FGF12: variants seen among roughly 807,000 people sequenced by gnomAD.
FGF12 encodes fibroblast growth factor 12B.
Under a neutral mutation model 23.6 loss-of-function variants are expected in FGF12, and 14 were observed. The observed-to-expected ratio is 0.59, with a 90% CI of 0.39 to 0.93. The LOEUF (loss-of-function observed/expected upper bound fraction) is 0.93, where lower values mean the gene tolerates loss of function less well. Among genes scored for constraint, FGF12 ranks in the 40% least tolerant of loss-of-function variants. The probability of loss-of-function intolerance (pLI) is 0.00; values close to 1 mark genes in which losing one functional copy is unlikely to be tolerated. For missense variants in FGF12, 175 were observed against 217.8 expected (o/e 0.80, Z 1.24); for synonymous variants, 62 against 77.3 (o/e 0.80, Z 1.04).
intron 2 of FGF12, among the ~76,000 whole-genome samples, chr3:192,542,254 C>A (rs1462766735): frequency 6.6e-6 from 1 of 152,142 alleles, no homozygotes; most frequent in Non-Finnish European, 1.5e-5. Flanking sequence ...ATTATCTCTT[C>A]CACCTGATTT....
intron 4 of FGF12, among the ~76,000 whole-genome samples, chr3:192,245,534 C>T (rs1033724924): frequency 6.6e-6 from 1 of 152,170 alleles, no homozygotes; most frequent in East Asian, 1.9e-4. Flanking sequence ...AGTAATTATG[C>T]ATTTGCATAA....
intron 2 of FGF12, among the ~76,000 whole-genome samples, chr3:192,456,022 T>C (rs934170078): frequency 1.3e-5 from 2 of 152,200 alleles, no homozygotes; most frequent in Non-Finnish European, 2.9e-5. Flanking sequence ...CCATAATATG[T>C]TATCAACTCA....
At chr3:192,529,013 C>T (rs1725022689) in intron 2 of FGF12, among the ~76,000 whole-genome samples, 2 of 152,156 alleles carry the variant, frequency 1.3e-5, no homozygotes, top group South Asian at 4.1e-4. Flanking sequence ...TTTTCATTGT[C>T]TTGGGGAACA....
At chr3:192,602,757 T>C (rs1004764143) in intron 2 of FGF12, among the ~76,000 whole-genome samples, 2 of 148,772 alleles carry the variant, frequency 1.3e-5, no homozygotes, top group African/African-American at 2.5e-5. Flanking sequence ...TACAGGTCAA[T>C]ATCCCTGATT....
At chr3:192,646,510 A>G (rs1716011368) in intron 2 of FGF12, among the ~76,000 whole-genome samples, 1 of 152,186 alleles carries the variant, frequency 6.6e-6, no homozygotes, top group Non-Finnish European at 1.5e-5. Flanking sequence ...TGAAATAGCC[A>G]TATAAGAGAA....
chr3:192,392,553 G>A (rs541864926), intron 2 of FGF12, among the ~76,000 whole-genome samples: 90 of 144,528 alleles, frequency 6.2e-4, no homozygotes, highest in African/African-American at 2.1e-3. Flanking sequence ...CCAAGATTGC[G>A]CCATTGCACT....
chr3:192,420,841 G>A (rs942672514), intron 2 of FGF12, among the ~76,000 whole-genome samples: 1 of 152,022 alleles, frequency 6.6e-6, no homozygotes, highest in African/African-American at 2.4e-5. Context: ...AAAGAAATAC[G>A]TAAATCTCAG....
intron 2 of FGF12, among the ~76,000 whole-genome samples, chr3:192,455,577 C>T (rs998438736): frequency 4.6e-5 from 7 of 152,160 alleles, no homozygotes; most frequent in African/African-American, 1.7e-4. Context: ...GGATTAGATG[C>T]AATGATAACA....
At chr3:192,305,315 A>G (rs1410895977) in intron 4 of FGF12, among the ~76,000 whole-genome samples, 1 of 152,148 alleles carries the variant, frequency 6.6e-6, no homozygotes, top group African/African-American at 2.4e-5. Context: ...CTTCATTTTC[A>G]TACAAACTCA....
intron 2 of FGF12, among the ~76,000 whole-genome samples, chr3:192,534,622 C>A (rs771840526): frequency 6.6e-6 from 1 of 152,058 alleles, no homozygotes; most frequent in Admixed American, 6.6e-5. Context: ...GAACTCCTGA[C>A]CTCAAGAGAT....
chr3:192,464,345 T>A (rs1722946981), intron 2 of FGF12, among the ~76,000 whole-genome samples: 1 of 143,752 alleles, frequency 7.0e-6, no homozygotes. Context: ...TGCCTTTACA[T>A]CCGCATAGCT....
intron 2 of FGF12, among the ~76,000 whole-genome samples, chr3:192,431,288 T>C (rs1721851291): frequency 6.6e-6 from 1 of 152,190 alleles, no homozygotes; most frequent in Non-Finnish European, 1.5e-5. Flanking sequence ...AGGTGAAACC[T>C]TTCCATTTAA....
intron 2 of FGF12, among the ~76,000 whole-genome samples, chr3:192,603,388 T>C (rs2886783): frequency 0.15 from 23,125 of 152,088 alleles, 1,790 homozygotes; most frequent in Middle Eastern, 0.19. Flanking sequence ...TGTACACCAA[T>C]AATGTTCAAG....
At chr3:192,619,454 G>A (rs1449931991) in intron 2 of FGF12, among the ~76,000 whole-genome samples, 9 of 152,152 alleles carry the variant, frequency 5.9e-5, no homozygotes, top group East Asian at 1.9e-4. Context: ...CTTGACTGGC[G>A]TTCCCATCAG....
chr3:192,457,587 T>A (rs1213671293), intron 2 of FGF12, among the ~76,000 whole-genome samples: 6 of 152,158 alleles, frequency 3.9e-5, no homozygotes, highest in Non-Finnish European at 8.8e-5. Flanking sequence ...ATGATTTAGG[T>A]ATCTGGCGGA....
intron 2 of FGF12, among the ~76,000 whole-genome samples, chr3:192,711,760 A>G (rs952021953): frequency 1.2e-4 from 19 of 152,164 alleles, no homozygotes; most frequent in Admixed American, 6.5e-5. Flanking sequence ...ATGCTCCTTA[A>G]GAGTCATCAC....
intron 2 of FGF12, among the ~76,000 whole-genome samples, chr3:192,403,047 C>T (rs1169114673): frequency 6.6e-6 from 1 of 151,908 alleles, no homozygotes; most frequent in African/African-American, 2.4e-5. Flanking sequence ...ACATGATGAT[C>T]ATGCATTCAA....
intron 2 of FGF12, among the ~76,000 whole-genome samples, chr3:192,653,214 T>C (rs1265673947): frequency 1.3e-5 from 2 of 152,208 alleles, no homozygotes; most frequent in African/African-American, 2.4e-5. Context: ...GTAATTCAGT[T>C]TGATAAATGA....
rs535872154 is a variant in FGF12, at chr3:192,514,757, T to A, written c.14-154219A>T. On this transcript the variant is annotated intron_variant, in intron 2 of 5. Coordinates refer to ENST00000445105, the MANE Select transcript of FGF12 (RefSeq NM_004113.6). The surrounding 1 kb of genome is among the most constrained non-coding windows in gnomAD (Gnocchi z 4.9). ...TTCAGAGAAAGCTCAAGAATCTTCA[T>A]GGAGAAGCGCGTGTGTGGGGTTGGT... The A allele has an allele frequency of 1.5e-5, 15 of 985,304 alleles. No homozygotes were observed. In the African/African-American group the frequency reaches 1.7e-4, roughly 11 times the overall value. 61.0% of individuals were successfully genotyped at this position (985,304 alleles called of 1,614,324 possible). A position where few individuals can be genotyped will look rare whatever the true frequency, so the allele number is the denominator to read the frequency against.
Sources: gnomAD v4.1 joint callset for allele counts (sites outside exome capture counted in the v4.1 genomes callset) on GRCh38, gnomAD v4.1.1 for gene constraint, Gnocchi (gnomAD v3.1) non-coding constraint, MANE v1.5 for transcripts, NCBI Gene and HGNC (gene_info 2026-07-23, HGNC 2026-07-21) for gene names.